EXO1: variants seen among roughly 807,000 people sequenced by gnomAD.
EXO1 encodes the protein exonuclease 1.
In EXO1, 69 loss-of-function variants were observed where a neutral mutation model predicts 84.5. The observed-to-expected ratio is 0.82, with a 90% CI of 0.67 to 1.00. The LOEUF (loss-of-function observed/expected upper bound fraction) is 1.00, where lower values mean the gene tolerates loss of function less well. Among genes scored for constraint, EXO1 ranks in the 50% least tolerant of loss-of-function variants. EXO1 has a pLI of 0.00. For missense variants in EXO1, 1,045 were observed against 1,000.7 expected (o/e 1.04, Z -0.60); for synonymous variants, 373 against 366.1 (o/e 1.02, Z -0.21).
intron 2 of EXO1, 37 bp downstream of exon 2, chr1:241,849,064 C>T (rs887831003): frequency 1.6e-4 from 25 of 152,172 alleles, no homozygotes; most frequent in Admixed American, 1.2e-3. Context: ...GGCTTGAGGA[C>T]CACCTGCATC....
At chr1:241,857,106 A>C (rs1661097899) in intron 6 of EXO1, among the ~76,000 whole-genome samples, 1 of 152,238 alleles carries the variant, frequency 6.6e-6, no homozygotes, top group African/African-American at 2.4e-5. Flanking sequence ...GCTGTGTAGC[A>C]GTATTTCTTT....
chr1:241,854,383 C>T (rs1358201936), intron 6 of EXO1, among the ~76,000 whole-genome samples: 2 of 152,160 alleles, frequency 1.3e-5, no homozygotes, highest in African/African-American at 4.8e-5. Flanking sequence ...GTGATCTGCC[C>T]ACCTTGGCCT....
At chr1:241,850,135 G>C (rs371127315) in intron 3 of EXO1, among the ~76,000 whole-genome samples, 2 of 152,258 alleles carry the variant, frequency 1.3e-5, no homozygotes, top group South Asian at 4.1e-4. Context: ...CAAAAAATTA[G>C]CCGGGCGCGG....
At chr1:241,878,462 A>T (rs1331907457) in intron 12 of EXO1, among the ~76,000 whole-genome samples, 2 of 148,646 alleles carry the variant, frequency 1.3e-5, no homozygotes, top group Non-Finnish European at 3.0e-5. Flanking sequence ...CCGCCACTGC[A>T]CTCCAGCCTG....
rs913473809 is a variant in EXO1, at chr1:241,871,806, A to G, written c.1268-226A>G. 2.0e-5 allele frequency among the ~76,000 whole-genome samples: 3 copies of G among 152,172 alleles called. No individual in the cohort carries two copies. The South Asian group carries it at 6.2e-4, about 31-fold the overall frequency. ...GGGTAATTTTAACATGAAATTGTAT[A>G]AACAACTGATATTAAATCTTAAACT... On this transcript the variant is annotated intron_variant, in intron 11 of 15. Coordinates refer to ENST00000366548, the MANE Select transcript of EXO1 (RefSeq NM_130398.4).
rs1397342924 is a variant in EXO1 at position 241,853,443 on chromosome 1, A to G, written c.367A>G (p.Ile123Val). The change falls in exon 6 of 16, where the codon ATC becomes GTC. Residue 123 changes from isoleucine (I) to valine (V), a missense_variant. By Grantham distance (29) the Ile-to-Val change is conservative. Transcript: ENST00000366548. ...SEARECFTRSINITHAMAHKV... is the reference protein window; with the variant it reads ...SEARECFTRSVNITHAMAHKV... ...AGCTCGAGAGTGTTTCACCCGGTCTATCAATATCACACATGCCATGGCCCA... is the reference window on the plus strand; with the variant it reads ...AGCTCGAGAGTGTTTCACCCGGTCTGTCAATATCACACATGCCATGGCCCA... 1.9e-6 allele frequency: 3 copies of G among 1,613,980 alleles called. No individual in the cohort carries two copies. Among genetic ancestry groups the G allele is most frequent in the Admixed American group, 1.7e-5 (1 of 59,978 alleles).
chr1:241,884,738 G>A (rs1270086351), intron 14 of EXO1, among the ~76,000 whole-genome samples: 1 of 151,990 alleles, frequency 6.6e-6, no homozygotes, highest in Non-Finnish European at 1.5e-5. Flanking sequence ...CTCTGGAAAG[G>A]GAGGCAGCGA....
At position 241,889,772 on chromosome 1, in the gene EXO1, A is replaced by C; in HGVS notation, c.*172A>C. On this transcript the variant is annotated 3_prime_UTR_variant, in exon 16 of 16. Transcript: ENST00000366548. ...TAATTGGGTTGTGGTTTTTTTGCTC[A>C]GCTTTTTATATTTTTATAAGAAGCT... 1.5e-6 allele frequency: 1 copy of C among 651,118 alleles called. No homozygotes were observed. The highest frequency in any genetic ancestry group is 2.7e-5 in the Admixed American group (1 of 37,034). 40.3% of individuals were successfully genotyped at this position (651,118 alleles called of 1,614,324 possible).
intron 10 of EXO1, among the ~76,000 whole-genome samples, chr1:241,865,755 A>G (rs1364438378): frequency 6.6e-6 from 1 of 152,066 alleles, no homozygotes; most frequent in Admixed American, 6.6e-5. Context: ...CTGGTTTTCT[A>G]CTTGTCTATT....
At chr1:241,871,499 C>T (rs749912173) in intron 11 of EXO1, among the ~76,000 whole-genome samples, 6 of 152,186 alleles carry the variant, frequency 3.9e-5, no homozygotes, top group African/African-American at 7.2e-5. Flanking sequence ...ATACATTTGA[C>T]ACACAGCAAT....
chr1:241,877,502 A>C (rs1347548641), intron 12 of EXO1, among the ~76,000 whole-genome samples: 1 of 152,068 alleles, frequency 6.6e-6, no homozygotes, highest in Admixed American at 6.6e-5. Flanking sequence ...TCCCCATACA[A>C]CTAATCTAGG....
In EXO1 at chr1:241,850,406, C is replaced by G. The variant is rs376108078; in HGVS notation, c.-17-3C>G. On this transcript the variant is annotated splice_polypyrimidine_tract_variant and splice_region_variant and intron_variant, in intron 3 of 15. Transcript: ENST00000366548. ...CTGTTCTCCCTGTCTCTTTTCATAT[C>G]AGGTAGTTAATTTGGCACCATGGGG... The G allele has an allele frequency of 4.4e-6, 7 of 1,592,126 alleles. No homozygotes were observed. The African/African-American group carries it at 6.7e-5, about 15-fold the overall frequency.
chr1:241,850,055 G>T (rs1660568476), intron 3 of EXO1, among the ~76,000 whole-genome samples: 1 of 152,222 alleles, frequency 6.6e-6, no homozygotes, highest in Admixed American at 6.5e-5. Context: ...GCCGAGGCGG[G>T]CGGATCACGA....
chr1:241,888,428 A>G (rs1663186278), intron 15 of EXO1, among the ~76,000 whole-genome samples: 1 of 152,010 alleles, frequency 6.6e-6, no homozygotes, highest in South Asian at 2.1e-4. Flanking sequence ...ATTCACACTG[A>G]GTTGTCAGCA....
At chr1:241,881,343 TTTTA>T (rs1256244978) in intron 13 of EXO1, among the ~76,000 whole-genome samples, 4 of 152,278 alleles carry the variant, frequency 2.6e-5, no homozygotes, top group Non-Finnish European at 5.9e-5. Flanking sequence ...TACTGTCCTC[TTTTA>T]TTTGACTTTC....
chr1:241,880,282 G>A (rs922109103), intron 13 of EXO1, among the ~76,000 whole-genome samples: 1 of 152,122 alleles, frequency 6.6e-6, no homozygotes, highest in Non-Finnish European at 1.5e-5. Flanking sequence ...CCACGGCAGT[G>A]GCTATCTTGA....
intron 12 of EXO1, among the ~76,000 whole-genome samples, chr1:241,875,497 C>T (rs981384592): frequency 2.6e-5 from 4 of 152,194 alleles, no homozygotes; most frequent in Non-Finnish European, 4.4e-5. Context: ...TTTGATTCGT[C>T]TTTTGCTAGT....
In EXO1 at chr1:241,857,429, G is replaced by T; in HGVS notation, c.490G>T (p.Val164Leu). The T allele has an allele frequency of 6.2e-7, 1 of 1,613,918 alleles. No homozygotes were observed. Among genetic ancestry groups the T allele is most frequent in the Non-Finnish European group, 8.5e-7 (1 of 1,179,926 alleles). The change falls in exon 7 of 16, where the codon GTG becomes TTG. Residue 164 changes from valine to leucine, a missense_variant. By Grantham distance (32) the Val-to-Leu change is conservative. Coordinates refer to ENST00000366548, the MANE Select transcript of EXO1 (RefSeq NM_130398.4). ...QLAYLNKAGI[V>L]QAIITEDSDL... is the part of the protein sequence containing the mutation. Reference sequence around the variant, plus strand: ...GGCCTATCTTAACAAAGCGGGAATTGTGCAAGCCATAATTACAGAGGACTC... The same window carrying T: ...GGCCTATCTTAACAAAGCGGGAATTTTGCAAGCCATAATTACAGAGGACTC...
At chr1:241,883,905 C>T (rs1463781808) in intron 14 of EXO1, among the ~76,000 whole-genome samples, 1 of 152,064 alleles carries the variant, frequency 6.6e-6, no homozygotes, top group African/African-American at 2.4e-5. Context: ...AGATAGTAAA[C>T]CATCATATTA....
Sources: allele counts gnomAD v4.1 joint callset (sites outside exome capture counted in the v4.1 genomes callset), GRCh38; gene constraint gnomAD v4.1.1; transcripts MANE v1.5; gene names NCBI Gene and HGNC (gene_info 2026-07-23, HGNC 2026-07-21).